Variants in CGN observed in about 807,000 individuals in gnomAD.
The protein encoded by CGN is cingulin.
A neutral mutation model predicts 157.1 loss-of-function variants in CGN; 121 were observed. The observed-to-expected ratio is 0.77, with a 90% CI of 0.66 to 0.90. CGN has a LOEUF of 0.90. CGN is among the 40% of genes least tolerant of loss of function. CGN has a pLI of 0.00. For missense variants in CGN, 1,424 were observed against 1,520.9 expected (o/e 0.94, Z 1.06); for synonymous variants, 535 against 607.5 (o/e 0.88, Z 1.76).
Position 151,528,104 on chromosome 1 carries a change from C to T in CGN, c.1896+997C>T, listed in dbSNP as rs531032577. Among the ~76,000 whole-genome samples the T allele has an allele frequency of 1.3e-4, 19 of 151,130 alleles. No individual in the cohort carries two copies. In the East Asian group the frequency reaches 2.8e-3, roughly 22 times the overall value. On this transcript the variant is annotated intron_variant, in intron 10 of 20. Coordinates refer to ENST00000271636, the MANE Select transcript of CGN (RefSeq NM_020770.3). ...CCGAGTTGCTGGGACTACAGGCGCC[C>T]ACCACCACGCCCGGCTAATTTTTTT...
intron 17 of CGN, 41 bp downstream of exon 17, chr1:151,535,724 AG>A (rs752893232): frequency 1.2e-6 from 2 of 1,607,728 alleles, no homozygotes; most frequent in Non-Finnish European, 1.7e-6. Context: ...GGACCCCAGG[AG>A]GTGAGTAAAA....
rs1665035089 is a variant in CGN, at chr1:151,538,632, A to G, written c.*1286A>G. ...TCTGCAAATCAAACGTTCTTTCCCA[A>G]TCCAATCCAGCCTTGGTTTTATTTT... is the stretch of plus-strand genomic sequence containing the variant. On this transcript the variant is annotated 3_prime_UTR_variant, in exon 21 of 21. Coordinates refer to ENST00000271636, the MANE Select transcript of CGN (RefSeq NM_020770.3). 1 of 152,188 alleles carries G rather than the reference A, an allele frequency of 6.6e-6. No individual in the cohort carries two copies. Among genetic ancestry groups the G allele is most frequent in the Non-Finnish European group, 1.5e-5 (1 of 68,036 alleles). 9.4% of individuals were successfully genotyped at this position (152,188 alleles called of 1,614,324 possible).
rs748913181 is a variant in CGN at position 151,530,075 on chromosome 1, C to G, written c.2273C>G (p.Ala758Gly). 6.8e-6 allele frequency: 11 copies of G among 1,613,880 alleles called. No homozygotes were observed. The highest frequency in any genetic ancestry group is 8.5e-6 in the Non-Finnish European group (10 of 1,179,880). Residue 758 changes from alanine (A) to glycine (G), a missense_variant, in exon 12 of 21, where the codon GCG becomes GGG. By Grantham distance (60) the Ala-to-Gly change is moderately conservative. Coordinates refer to ENST00000271636, the MANE Select transcript of CGN (RefSeq NM_020770.3). ...ETRGLVDGGE[A>G]VEARLRDKLQ... ...CGAGGTCTGGTGGATGGTGGGGAAGCGGTGGAGGCACGACTACGGGACAAG... is the reference window on the plus strand; with the variant it reads ...CGAGGTCTGGTGGATGGTGGGGAAGGGGTGGAGGCACGACTACGGGACAAG...
At chr1:151,529,580 G>A (rs1307008385) in intron 11 of CGN, 21 bp downstream of exon 11, 3 of 1,602,210 alleles carry the variant, frequency 1.9e-6, no homozygotes, top group East Asian at 2.2e-5. Context: ...TGGGCACAGG[G>A]CTTAGGAGGT....
chr1:151,524,907 C>G lies in CGN; in HGVS notation c.1614+21C>G. ...CCCAGGCATGTGACAAGAGCAGGGT[C>G]TGAGAGAGGAGGGCACTGCTGGAGA... is the stretch of plus-strand genomic sequence containing the variant. On this transcript the variant is annotated intron_variant, in intron 8 of 20. Transcript: ENST00000271636. This position sits in a 1 kb window ranked among gnomAD's most constrained non-coding sequence, Gnocchi z 4.4. 6 of 1,596,502 alleles carry G rather than the reference C, an allele frequency of 3.8e-6. No homozygotes were observed. The highest frequency in any genetic ancestry group is 2.6e-6 in the Non-Finnish European group (3 of 1,168,790).
intron 10 of CGN, among the ~76,000 whole-genome samples, chr1:151,528,493 CT>C (rs1214835779): frequency 2.0e-5 from 3 of 151,790 alleles, no homozygotes; most frequent in Non-Finnish European, 4.4e-5. Flanking sequence ...TCTCGGCTCA[CT>C]GCAACCTCTG....
chr1:151,523,079 A>T (rs1249230444), intron 5 of CGN, among the ~76,000 whole-genome samples: 1 of 152,098 alleles, frequency 6.6e-6, no homozygotes, highest in Non-Finnish European at 1.5e-5. Context: ...AGAGTGAGGG[A>T]TCCAAGAGAA....
intron 14 of CGN, 88 bp downstream of exon 14, chr1:151,532,660 C>G (rs1664866639): frequency 1.8e-6 from 2 of 1,134,852 alleles, no homozygotes; most frequent in African/African-American, 3.4e-5. Flanking sequence ...CACTCTGTCG[C>G]CCAGGCTGGA....
intron 13 of CGN, among the ~76,000 whole-genome samples, chr1:151,530,957 T>C (rs539013087): frequency 6.6e-6 from 1 of 152,036 alleles, no homozygotes; most frequent in Admixed American, 6.5e-5. Context: ...CTGGCCAACA[T>C]AGCAAAACTC....
rs774518502 is a variant in CGN at position 151,523,570 on chromosome 1, A to G, written c.1268+9A>G. 39 of 1,598,984 alleles carry G rather than the reference A, an allele frequency of 2.4e-5. No individual in the cohort carries two copies. Among genetic ancestry groups the G allele is most frequent in the Non-Finnish European group, 3.3e-5 (39 of 1,173,524 alleles). On this transcript the variant is annotated intron_variant, in intron 6 of 20. Transcript: ENST00000271636. Reference sequence around the variant, plus strand: ...CAGCAGAGCAACAAGGAGTGAGTGCAGCTGGTGGCGCACCTCGGGCTGCTT... The same window carrying G: ...CAGCAGAGCAACAAGGAGTGAGTGCGGCTGGTGGCGCACCTCGGGCTGCTT...
chr1:151,535,458 A>G, intron 16 of CGN, 142 bp from the exon 17 acceptor site: 1 of 693,984 alleles, frequency 1.4e-6, no homozygotes, highest in Non-Finnish European at 2.6e-6. Flanking sequence ...CCATTTGAAT[A>G]GGCTGTGATT....
intron 1 of CGN, 104 bp from the exon 2 acceptor site, chr1:151,518,402 A>T: frequency 1.1e-6 from 1 of 943,764 alleles, no homozygotes; most frequent in Non-Finnish European, 1.6e-6. Context: ...TCTGAGAATC[A>T]GTGGTTTATC....
rs1250668977 is a variant in CGN at position 151,530,065 on chromosome 1, G to C, written c.2263G>C (p.Gly755Arg). Residue 755 changes from glycine to arginine, a missense_variant, in exon 12 of 21, where the codon GGT (glycine) becomes CGT (arginine). Gly to Arg is a moderately radical substitution (Grantham distance 125). Around this residue, in one of 3 missense-constraint regions of CGN, gnomAD observed 1,187 missense variants for 1,217.6 expected, o/e 0.97. Transcript: ENST00000271636. ...GAAGGAGACTCGAGGTCTGGTGGAT[G>C]GTGGGGAAGCGGTGGAGGCACGACT... ...QLKETRGLVDGGEAVEARLRD... is the reference protein window; with the variant it reads ...QLKETRGLVDRGEAVEARLRD... 2.5e-6 allele frequency: 4 copies of C among 1,613,998 alleles called. No homozygotes were observed. The highest frequency in any genetic ancestry group is 1.7e-5 in the Admixed American group (1 of 59,998).
intron 2 of CGN, 99 bp from the exon 3 acceptor site, chr1:151,520,067 G>A: frequency 1.2e-6 from 1 of 845,876 alleles, no homozygotes; most frequent in South Asian, 1.8e-5. Flanking sequence ...ACCTGAGACT[G>A]CCACTTCTCC....
In CGN at chr1:151,525,757, A is replaced by G; in HGVS notation, c.1730A>G (p.Lys577Arg). 1.9e-6 allele frequency: 3 copies of G among 1,607,782 alleles called. No individual in the cohort carries two copies. The highest frequency in any genetic ancestry group is 1.7e-4 in the Middle Eastern group (1 of 6,024). Residue 577 changes from lysine to arginine, a missense_variant, in exon 9 of 21, where the codon AAG becomes AGG. Lys to Arg is a conservative substitution (Grantham distance 26, BLOSUM62 2). Coordinates refer to ENST00000271636, the MANE Select transcript of CGN (RefSeq NM_020770.3). ...GGGCATTGGCAGAGTATGTTCCAGAAGAACAAGGAGGATCTTAGAGCCACC... is the reference window on the plus strand; with the variant it reads ...GGGCATTGGCAGAGTATGTTCCAGAGGAACAAGGAGGATCTTAGAGCCACC... ...ETGHWQSMFQ[K>R]NKEDLRATKQ...
At chr1:151,535,927 C>T in intron 18 of CGN, 29 bp downstream of exon 18, 1 of 1,544,164 alleles carries the variant, frequency 6.5e-7, no homozygotes, top group Non-Finnish European at 8.9e-7. Context: ...TCCTCCCTTC[C>T]TCCCTCCTTT....
chr1:151,516,762 A>C (rs551921063), intron 1 of CGN, among the ~76,000 whole-genome samples: 171 of 150,164 alleles, frequency 1.1e-3, no homozygotes, highest in African/African-American at 4.0e-3. Flanking sequence ...GGCTGGTCTC[A>C]AACTCCTGAC....
chr1:151,511,205 G>A (rs908819148), upstream of CGN, among the ~76,000 whole-genome samples: 2 of 152,176 alleles, frequency 1.3e-5, no homozygotes, highest in African/African-American at 4.8e-5. The surrounding 1 kb of genome is among the most constrained non-coding windows in gnomAD (Gnocchi z 4.8). Context: ...GCAGCCCGTG[G>A]GTCCACGTGA....
chr1:151,530,399 C>A, intron 12 of CGN, 90 bp from the exon 13 acceptor site: 1 of 1,427,374 alleles, frequency 7.0e-7, no homozygotes, highest in Non-Finnish European at 9.4e-7. Context: ...TCATAAATAC[C>A]TCCTTTCTCC....
Sources: gnomAD v4.1 joint callset for allele counts (sites outside exome capture counted in the v4.1 genomes callset) on GRCh38, gnomAD v4.1.1 for gene constraint, gnomAD v4.1.1 regional missense constraint, Gnocchi (gnomAD v3.1) non-coding constraint, MANE v1.5 for transcripts, NCBI Gene and HGNC (gene_info 2026-07-23, HGNC 2026-07-21) for gene names.